The following TTC19 variants were observed in gnomAD, a reference collection of about 807,000 sequenced individuals.
TTC19 encodes the protein tetratricopeptide repeat protein 19, mitochondrial.
Under a neutral mutation model 49.5 loss-of-function variants are expected in TTC19, and 38 were observed. The observed-to-expected ratio is 0.77, with a 90% CI of 0.59 to 1.01. The LOEUF (loss-of-function observed/expected upper bound fraction) is 1.01. Ranked by LOEUF, TTC19 falls within the 50% of genes least tolerant of loss-of-function variation. TTC19 has a pLI of 0.00. For missense variants in TTC19, 475 were observed against 477.7 expected, an observed-to-expected ratio of 0.99 and a Z score of 0.05; for synonymous variants, 204 against 185.2, an observed-to-expected ratio of 1.10 and a Z score of -0.83.
intron 2 of TTC19, among the ~76,000 whole-genome samples, chr17:16,036,590 G>C (rs939128392): frequency 7.9e-5 from 12 of 152,220 alleles, no homozygotes; most frequent in African/African-American, 2.4e-4. Flanking sequence ...TGAGTAACTT[G>C]CTGCAACATC....
intron 7 of TTC19, among the ~76,000 whole-genome samples, chr17:16,006,905 TA>T (rs1279268967): frequency 6.6e-6 from 1 of 152,142 alleles, no homozygotes; most frequent in African/African-American, 2.4e-5. Context: ...TCAAAATGCT[TA>T]TTACGTTTTA....
At chr17:16,029,674 T>C (rs1274332723), downstream of TTC19, 1 of 159,526 alleles carries the variant, frequency 6.3e-6, no homozygotes, top group African/African-American at 2.4e-5. Context: ...AAGTTGTCAG[T>C]GCTGCTCTGT....
Position 16,029,317 on chromosome 17 carries a change from G to A in TTC19, c.*1795G>A, listed in dbSNP as rs770488525. ...CACTGTTGTAAAATAAGGTACTGAA[G>A]CAAAAGGAGGACTGATCTCCTTTAC... On this transcript the variant is annotated 3_prime_UTR_variant, in exon 10 of 10. Transcript: ENST00000261647. 2 of 442,422 alleles carry A rather than the reference G, an allele frequency of 4.5e-6. No individual in the cohort carries two copies. The highest frequency in any genetic ancestry group is 3.3e-5 in the South Asian group (2 of 61,028). The allele number at this position is 442,422 out of a possible 1,614,324, so 27.4% of individuals were successfully genotyped here. A position where few individuals can be genotyped will look rare whatever the true frequency, so the allele number is the denominator to read the frequency against.
Position 16,039,661 on chromosome 17 carries a change from G to A in TTC19, c.248-4842G>A, listed in dbSNP as rs199646563. On this transcript the variant is annotated intron_variant, in intron 2 of 2. Coordinates refer to the TTC19 transcript ENST00000470649. ...CCTCTAGAGCTAACTGAGCCTGAAAGAGAATCAAAAACATTTCCACTTATT... is the reference window on the plus strand; with the variant it reads ...CCTCTAGAGCTAACTGAGCCTGAAAAAGAATCAAAAACATTTCCACTTATT... 4.5e-5 allele frequency: 72 copies of A among 1,609,732 alleles called. 1 individual carries two copies. Among genetic ancestry groups the A allele is most frequent in the Non-Finnish European group, 5.6e-5 (66 of 1,177,474 alleles).
In TTC19 at chr17:16,025,078, C is replaced by T; in HGVS notation, c.738C>T (p.Tyr246=). 1 of 1,613,944 alleles carries T rather than the reference C, an allele frequency of 6.2e-7. No homozygotes were observed. The highest frequency in any genetic ancestry group is 1.1e-5 in the South Asian group (1 of 91,084). Residue 246 remains tyrosine (Y), a synonymous_variant, in exon 8 of 10, where the codon TAC becomes TAT. Coordinates refer to ENST00000261647, the MANE Select transcript of TTC19 (RefSeq NM_017775.4). ...TGTGCTTAGACGCCTGTGCTCGCTA[C>T]CTTCTGTTCTCCAAGCAGCCGTCAC... ...LGMCLDACAR[Y]LLFSKQPSQA...
intron 7 of TTC19, among the ~76,000 whole-genome samples, chr17:16,018,099 T>C (rs1971268355): frequency 6.6e-6 from 1 of 152,234 alleles, no homozygotes; most frequent in African/African-American, 2.4e-5. Flanking sequence ...AATTTTAGAC[T>C]TAGTGGAATT....
intron 2 of TTC19, chr17:16,039,804 T>G (rs1177970308): frequency 1.5e-6 from 1 of 687,356 alleles, no homozygotes; most frequent in South Asian, 1.9e-5. Context: ...ACCTTTTTTT[T>G]TGGAGACAGA....
At chr17:16,003,750 T>C (rs2151648070) in intron 4 of TTC19, 81 bp from the exon 5 acceptor site, 1 of 1,261,444 alleles carries the variant, frequency 7.9e-7, no homozygotes, top group South Asian at 1.3e-5. Context: ...TGCATCAGAC[T>C]GGCACTTAGA....
At chr17:16,001,824 A>T in intron 2 of TTC19, 91 bp from the exon 3 acceptor site, 1 of 823,924 alleles carries the variant, frequency 1.2e-6, no homozygotes, top group Non-Finnish European at 2.1e-6. Flanking sequence ...TCCTTCTATC[A>T]GTTGGGATGT....
intron 7 of TTC19, among the ~76,000 whole-genome samples, chr17:16,008,870 C>A (rs1440808598): frequency 6.6e-6 from 1 of 152,154 alleles, no homozygotes; most frequent in Non-Finnish European, 1.5e-5. Flanking sequence ...TACTATTGCT[C>A]TACTCCTCTT....
intron 7 of TTC19, among the ~76,000 whole-genome samples, chr17:16,008,249 C>T (rs760738313): frequency 1.4e-4 from 22 of 152,322 alleles, no homozygotes; most frequent in Admixed American, 7.2e-4. Flanking sequence ...GCCCACCCGA[C>T]ATCTTGACTT....
downstream of TTC19, chr17:16,030,706 T>A (rs1971837891): frequency 5.6e-6 from 1 of 179,486 alleles, no homozygotes; most frequent in African/African-American, 2.4e-5. Context: ...AAGCTTTGAC[T>A]GAAGACAAAT....
In TTC19 at chr17:16,028,599, C is replaced by T. The variant is rs963401831; in HGVS notation, c.*1077C>T. 23 of 453,746 alleles carry T rather than the reference C, an allele frequency of 5.1e-5. No individual in the cohort carries two copies. The highest frequency in any genetic ancestry group is 9.3e-5 in the Non-Finnish European group (21 of 226,746). The allele number at this position is 453,746 out of a possible 1,614,324, so 28.1% of individuals were successfully genotyped here. A position where few individuals can be genotyped will look rare whatever the true frequency, so the allele number is the denominator to read the frequency against. The stretch of plus-strand genomic sequence containing the variant: ...ACATAGGTGGATGCTCTTACTGCAG[C>T]AGTCATGAATACATTTTTAGCCATT... On this transcript the variant is annotated 3_prime_UTR_variant, in exon 10 of 10. Transcript: ENST00000261647.
In TTC19 at chr17:16,016,594, G is replaced by A. The variant is rs546765857; in HGVS notation, c.677-8423G>A. 7.4e-5 allele frequency among the ~76,000 whole-genome samples: 6 copies of A among 80,982 alleles called. No individual in the cohort carries two copies. In the South Asian group the frequency reaches 2.5e-3, roughly 34 times the overall value. The allele number at this position is 80,982 out of a possible 152,430, so 53.1% of individuals were successfully genotyped here. A position where few individuals can be genotyped will look rare whatever the true frequency, so the allele number is the denominator to read the frequency against. On this transcript the variant is annotated intron_variant, in intron 7 of 9. Transcript: ENST00000261647. ...TTTTTTTGGGATGGAGTCTTGCTTT[G>A]TCGCCCAGGCTGGAGTGCAGTGGCG...
intron 8 of TTC19, 138 bp from the exon 9 acceptor site, chr17:16,026,402 T>TAAAG: frequency 1.3e-6 from 1 of 782,906 alleles, no homozygotes; most frequent in East Asian, 2.7e-5. Context: ...ACAAATTTGT[T>TAAAG]AAAGAATGGT....
At position 16,027,662 on chromosome 17, in the gene TTC19, G is replaced by A; in HGVS notation, c.*140G>A. On this transcript the variant is annotated 3_prime_UTR_variant, in exon 10 of 10. Transcript: ENST00000261647. ...CCTCAATTTAGCCTTAGTGAAGGAG[G>A]GGTTGTACACACTGCCATTTTTGTA... The A allele has an allele frequency of 1.0e-6, 1 of 977,398 alleles. No homozygotes were observed. The highest frequency in any genetic ancestry group is 2.9e-4 in the Middle Eastern group (1 of 3,448). 60.5% of individuals were successfully genotyped at this position (977,398 alleles called of 1,614,324 possible).
chr17:16,028,726 C>T lies in TTC19; in HGVS notation c.*1204C>T, dbSNP rs550490102. 9.2e-6 allele frequency: 4 copies of T among 436,338 alleles called. No individual in the cohort carries two copies. The highest frequency in any genetic ancestry group is 1.8e-5 in the Non-Finnish European group (4 of 223,776). The allele number at this position is 436,338 out of a possible 1,614,324, so 27.0% of individuals were successfully genotyped here. Reference sequence around the variant, plus strand: ...TGTGAGTGGGACTGATAAACTGATACTTTTGGTTCGTATGTACATACTGGA... The same window carrying T: ...TGTGAGTGGGACTGATAAACTGATATTTTTGGTTCGTATGTACATACTGGA... On this transcript the variant is annotated 3_prime_UTR_variant, in exon 10 of 10. Coordinates refer to ENST00000261647, the MANE Select transcript of TTC19 (RefSeq NM_017775.4).
At chr17:16,041,404 C>CCTTTTTT (rs2057549290) in intron 2 of TTC19, 1 of 103,790 alleles carries the variant, frequency 9.6e-6, no homozygotes, top group Non-Finnish European at 1.9e-5. Flanking sequence ...TGTGAAAGTT[C>CCTTTTTT]TTTTTTTTTT....
intron 7 of TTC19, chr17:16,023,195 T>C (rs1971438256): frequency 1.3e-5 from 2 of 152,224 alleles, no homozygotes; most frequent in South Asian, 4.1e-4. Flanking sequence ...GGTCAGAATG[T>C]GCTGTGAATT....
Sources: allele counts gnomAD v4.1 joint callset (sites outside exome capture counted in the v4.1 genomes callset), GRCh38; gene constraint gnomAD v4.1.1; transcripts MANE v1.5; gene names NCBI Gene and HGNC (gene_info 2026-07-23, HGNC 2026-07-21).